Variants in CFTR observed in about 807,000 individuals in gnomAD.
CFTR encodes the protein CF transmembrane conductance regulator.
In CFTR, 181 loss-of-function variants were observed where a neutral mutation model predicts 171.6. The observed-to-expected ratio is 1.05, with a 90% CI of 0.93 to 1.19. The LOEUF is 1.19. Ranked by LOEUF, CFTR falls within the 50% of genes most tolerant of loss-of-function variation. CFTR has a pLI of 0.00. For missense variants in CFTR, 1,968 were observed against 1,734.7 expected (o/e 1.13, Z -2.39); for synonymous variants, 583 against 608.0 (o/e 0.96, Z 0.60).
intron 21 of CFTR, among the ~76,000 whole-genome samples, chr7:117,615,811 A>G: frequency 6.6e-6 from 1 of 151,996 alleles, no homozygotes; most frequent in East Asian, 1.9e-4. Flanking sequence ...CAATCAGACT[A>G]TATGGTTGGT....
chr7:117,513,495 A>G (rs1798553269), intron 3 of CFTR, among the ~76,000 whole-genome samples: 1 of 151,422 alleles, frequency 6.6e-6, no homozygotes, highest in Admixed American at 6.6e-5. Flanking sequence ...CATTTTCTAC[A>G]GATGCAAATT....
chr7:117,564,113 C>T (rs142249127), intron 11 of CFTR, among the ~76,000 whole-genome samples: 152 of 152,310 alleles, frequency 1.0e-3, no homozygotes, highest in African/African-American at 3.4e-3. Context: ...GTATACTCCA[C>T]GTAGCACATT....
rs1187629839 is a variant in CFTR at position 117,668,580 on chromosome 7, C to T, written c.*1472C>T. 6.6e-6 allele frequency: 1 copy of T among 152,618 alleles called. No individual in the cohort carries two copies. The highest frequency in any genetic ancestry group is 2.4e-5 in the African/African-American group (1 of 41,440). 9.5% of individuals were successfully genotyped at this position (152,618 alleles called of 1,614,324 possible). A position where few individuals can be genotyped will look rare whatever the true frequency, so the allele number is the denominator to read the frequency against. On this transcript the variant is annotated 3_prime_UTR_variant, in exon 27 of 27. Coordinates refer to ENST00000003084, the MANE Select transcript of CFTR (RefSeq NM_000492.4). The stretch of plus-strand genomic sequence containing the variant: ...TCAAGGGTACACTGCCTTCTCAACT[C>T]CAAACTGACTCTTAAGAAGACTGCA...
chr7:117,661,114 A>G (rs1399736826), intron 24 of CFTR, among the ~76,000 whole-genome samples: 1 of 152,172 alleles, frequency 6.6e-6, no homozygotes, highest in Non-Finnish European at 1.5e-5. Context: ...ATCTCACCAA[A>G]ACCTATTAGC....
intron 3 of CFTR, among the ~76,000 whole-genome samples, chr7:117,525,067 G>A (rs1038187543): frequency 6.6e-6 from 1 of 152,146 alleles, no homozygotes; most frequent in Admixed American, 6.5e-5. Flanking sequence ...AGTAGATATA[G>A]CAAACAGTTA....
intron 9 of CFTR, among the ~76,000 whole-genome samples, chr7:117,546,374 A>G (rs1371604202): frequency 1.3e-5 from 2 of 152,260 alleles, no homozygotes; most frequent in East Asian, 1.9e-4. Context: ...TTCTCAAACA[A>G]TCCTCCTGCC....
chr7:117,598,505 G>C (rs990225367), intron 15 of CFTR, among the ~76,000 whole-genome samples: 2 of 152,102 alleles, frequency 1.3e-5, no homozygotes, highest in African/African-American at 2.4e-5. Context: ...ACTCCACCAT[G>C]GTCCAGTAAC....
chr7:117,530,391 C>A (rs556389335), intron 3 of CFTR, among the ~76,000 whole-genome samples: 2 of 152,268 alleles, frequency 1.3e-5, no homozygotes, highest in East Asian at 3.9e-4. Context: ...GCACAAAACA[C>A]TTTTGAAAGT....
rs121908808 is a variant in CFTR, at chr7:117,652,851, A to AT, written c.3889dup (p.Ser1297PhefsTer5). ...TTCTTTTTTGCTATAGAAAGTATTT[A>AT]TTTTTTCTGGAACATTTAGAAAAAA... On this transcript the variant is annotated frameshift_variant, in exon 24 of 27. Coordinates refer to ENST00000003084, the MANE Select transcript of CFTR (RefSeq NM_000492.4). LOFTEE classifies it high-confidence loss of function. 2.0e-5 allele frequency: 31 copies of AT among 1,516,224 alleles called. No individual in the cohort carries two copies. Among genetic ancestry groups the AT allele is most frequent in the African/African-American group, 4.1e-5 (3 of 72,860 alleles). The allele number at this position is 1,516,224 out of a possible 1,614,324, so 93.9% of individuals were successfully genotyped here. A position where few individuals can be genotyped will look rare whatever the true frequency, so the allele number is the denominator to read the frequency against.
chr7:117,528,469 TCCAAAACA>T lies in CFTR; in HGVS notation c.274-2423_274-2416del, dbSNP rs1190305487. ...CATAGGCGTGGGCAAGGACTTCATG[TCCAAAACA>T]CCAAAAGCAATGGCAACAAAAGCCA... is the stretch of plus-strand genomic sequence containing the variant. On this transcript the variant is annotated intron_variant, in intron 3 of 26. Coordinates refer to ENST00000003084, the MANE Select transcript of CFTR (RefSeq NM_000492.4). 8.1e-4 allele frequency among the ~76,000 whole-genome samples: 96 copies of T among 118,254 alleles called. 3 individuals carry two copies. Among genetic ancestry groups the T allele is most frequent in the Non-Finnish European group, 1.0e-3 (57 of 56,400 alleles). 77.6% of individuals were successfully genotyped at this position (118,254 alleles called of 152,430 possible). A position where few individuals can be genotyped will look rare whatever the true frequency, so the allele number is the denominator to read the frequency against.
chr7:117,535,474 G>T, intron 6 of CFTR, 63 bp downstream of exon 6: 3 of 1,372,136 alleles, frequency 2.2e-6, no homozygotes, highest in Non-Finnish European at 3.1e-6. Context: ...GCCCACTTTA[G>T]TAAAACCAGG....
intron 1 of CFTR, among the ~76,000 whole-genome samples, chr7:117,495,126 A>G (rs889590293): frequency 2.2e-4 from 33 of 152,156 alleles, no homozygotes; most frequent in Admixed American, 1.9e-3. Context: ...TTAGAGAGCA[A>G]TGGCATCCCT....
chr7:117,661,408 A>C (rs1185266971), intron 24 of CFTR, among the ~76,000 whole-genome samples: 1 of 152,206 alleles, frequency 6.6e-6, no homozygotes, highest in Non-Finnish European at 1.5e-5. Flanking sequence ...CATCTGGGGA[A>C]AAACATACTT....
At chr7:117,599,675 A>G (rs1792192566) in intron 15 of CFTR, among the ~76,000 whole-genome samples, 1 of 152,126 alleles carries the variant, frequency 6.6e-6, no homozygotes, top group Non-Finnish European at 1.5e-5. Context: ...AATAATAAAA[A>G]CTTGGTGATA....
At chr7:117,625,165 G>A (rs777278103) in intron 21 of CFTR, among the ~76,000 whole-genome samples, 63 of 152,142 alleles carry the variant, frequency 4.1e-4, no homozygotes, top group Non-Finnish European at 7.9e-4. Context: ...GTGAATGAGT[G>A]CCCAGTCTTA....
chr7:117,612,365 AAGAC>A (rs78630576), intron 20 of CFTR, among the ~76,000 whole-genome samples: 22 of 151,926 alleles, frequency 1.4e-4, no homozygotes, highest in Non-Finnish European at 2.5e-4. Context: ...ACAGAAAAGA[AAGAC>A]AGTGTCACAT....
chr7:117,664,237 C>CA (rs1185722007), intron 24 of CFTR, among the ~76,000 whole-genome samples: 4 of 152,122 alleles, frequency 2.6e-5, no homozygotes, highest in Non-Finnish European at 5.9e-5. Context: ...GTCATACCTC[C>CA]ATCCTTTATG....
rs569571527 is a variant in CFTR, at chr7:117,563,685, A to T, written c.1584+4030A>T. On this transcript the variant is annotated intron_variant, in intron 11 of 26. Coordinates refer to ENST00000003084, the MANE Select transcript of CFTR (RefSeq NM_000492.4). Reference sequence around the variant, plus strand: ...GAGGGATCACAGCTTTTGCTAACAAAGTACTAGTGGAGGATGCCACTAGGT... The same window carrying T: ...GAGGGATCACAGCTTTTGCTAACAATGTACTAGTGGAGGATGCCACTAGGT... Among the ~76,000 whole-genome samples the T allele has an allele frequency of 2.8e-4, 43 of 152,292 alleles. No individual in the cohort carries two copies. In the South Asian group the frequency reaches 8.5e-3, roughly 30 times the overall value.
At chr7:117,509,957 T>G (rs978377757) in intron 3 of CFTR, among the ~76,000 whole-genome samples, 1 of 152,132 alleles carries the variant, frequency 6.6e-6, no homozygotes, top group Admixed American at 6.6e-5. Context: ...CTCAGGGAGT[T>G]AAACAGTGTC....
Sources: gnomAD v4.1 joint callset for allele counts (sites outside exome capture counted in the v4.1 genomes callset) on GRCh38, gnomAD v4.1.1 for gene constraint, MANE v1.5 for transcripts, NCBI Gene and HGNC (gene_info 2026-07-23, HGNC 2026-07-21) for gene names.